ASPG: variants seen among roughly 807,000 people sequenced by gnomAD.
The protein encoded by ASPG is 60 kDa lysophospholipase.
Under a neutral mutation model 63.2 loss-of-function variants are expected in ASPG, and 53 were observed. That is an observed-to-expected ratio of 0.84 (90% CI 0.67 to 1.05). The LOEUF (loss-of-function observed/expected upper bound fraction) is 1.05. Among genes scored for constraint, ASPG ranks in the 50% least tolerant of loss-of-function variants. The pLI, the probability that ASPG is intolerant of heterozygous loss-of-function variation, is 0.00. For missense variants in ASPG, 741 were observed against 794.4 expected (o/e 0.93, Z 0.81); for synonymous variants, 370 against 355.0 (o/e 1.04, Z -0.48).
intron 4 of ASPG, 93 bp from the exon 5 acceptor site, chr14:104,097,461 G>A: frequency 1.6e-6 from 2 of 1,278,732 alleles, no homozygotes; most frequent in South Asian, 3.0e-5. Context: ...GGGGCTCCTG[G>A]GCTGGGCCTG....
chr14:104,105,513 G>GGGAT, intron 10 of ASPG, 63 bp downstream of exon 10: 1 of 1,479,568 alleles, frequency 6.8e-7, no homozygotes, highest in Non-Finnish European at 9.0e-7. Flanking sequence ...TGGTCACCCT[G>GGGAT]GGATGCACCA....
At position 104,098,898 on chromosome 14, in the gene ASPG, A is replaced by G. The variant is rs201936846; in HGVS notation, c.559A>G (p.Thr187Ala). 342 of 1,612,498 alleles carry G rather than the reference A, an allele frequency of 2.1e-4. 2 individuals carry two copies. The highest frequency in any genetic ancestry group is 1.9e-5 in the Non-Finnish European group (22 of 1,179,700). The change falls in exon 6 of 16, where the codon ACC becomes GCC. Residue 187 changes from threonine (T) to alanine (A), a missense_variant. Thr to Ala is a moderately conservative substitution (Grantham distance 58, BLOSUM62 0). Transcript: ENST00000551177. Reference sequence around the variant, plus strand: ...TCAGCTGTTTCGGGGCAACCGGGCAACCAAGGTAGACGCTCGGAGGTTCGC... The same window carrying G: ...TCAGCTGTTTCGGGGCAACCGGGCAGCCAAGGTAGACGCTCGGAGGTTCGC... ...QNQLFRGNRA[T>A]KVDARRFAAF...
chr14:104,110,145 C>A lies in ASPG; in HGVS notation c.1520+830C>A, dbSNP rs2037326032. The A allele has an allele frequency of 1.0e-6, 1 of 985,104 alleles. No individual in the cohort carries two copies. The highest frequency in any genetic ancestry group is 1.2e-6 in the Non-Finnish European group (1 of 829,880). 61.0% of individuals were successfully genotyped at this position (985,104 alleles called of 1,614,324 possible). ...AAAAAGGAGAGTCGGAGGCAGGAGACCTGGGCCGGGTGCAGGTGGTGGCTG... is the reference window on the plus strand; with the variant it reads ...AAAAAGGAGAGTCGGAGGCAGGAGAACTGGGCCGGGTGCAGGTGGTGGCTG... On this transcript the variant is annotated intron_variant, in intron 13 of 15. Transcript: ENST00000551177. The surrounding 1 kb of genome is among the most constrained non-coding windows in gnomAD (Gnocchi z 4.7).
rs754105558 is a variant in ASPG, at chr14:104,104,673, G to A, written c.988G>A (p.Ala330Thr). Residue 330 changes from alanine to threonine, a missense_variant, in exon 9 of 16, where the codon GCC becomes ACC. Coordinates refer to ENST00000551177, the MANE Select transcript of ASPG (RefSeq NM_001080464.3). ...ISGFDMTSEA[A>T]LAKLSYVLGQ... ...AGGCTTCGACATGACATCGGAGGCC[G>A]CCCTGGCCAAGCTATCGTATGTGCT... 8.7e-6 allele frequency: 14 copies of A among 1,610,630 alleles called. No individual in the cohort carries two copies. The highest frequency in any genetic ancestry group is 3.3e-5 in the Admixed American group (2 of 59,894).
intron 1 of ASPG, among the ~76,000 whole-genome samples, chr14:104,087,194 T>C (rs1159959009): frequency 6.6e-6 from 1 of 152,178 alleles, no homozygotes; most frequent in African/African-American, 2.4e-5. Context: ...AGAACGTGGC[T>C]GTCCAGGCTG....
At position 104,093,487 on chromosome 14, in the gene ASPG, G is replaced by A. The variant is rs564677939; in HGVS notation, c.192-4G>A. 10 of 1,611,222 alleles carry A rather than the reference G, an allele frequency of 6.2e-6. No individual in the cohort carries two copies. In the East Asian group the frequency reaches 1.1e-4, roughly 18 times the overall value. ...TTCCGCCTCCTGCTGTTTCTGTCCC[G>A]CAGCCCGGCCAGCCGCAACCAGAGG... On this transcript the variant is annotated splice_polypyrimidine_tract_variant and splice_region_variant and intron_variant, in intron 2 of 15. Transcript: ENST00000551177.
At chr14:104,092,824 C>A (rs2036411133) in intron 2 of ASPG, 83 bp downstream of exon 2, 2 of 1,183,338 alleles carry the variant, frequency 1.7e-6, no homozygotes, top group Non-Finnish European at 1.2e-6. Flanking sequence ...GCTGGCCAGG[C>A]CCACGTGAGC....
At position 104,110,111 on chromosome 14, in the gene ASPG, G is replaced by C; in HGVS notation, c.1520+796G>C. On this transcript the variant is annotated intron_variant, in intron 13 of 15. Coordinates refer to ENST00000551177, the MANE Select transcript of ASPG (RefSeq NM_001080464.3). The surrounding 1 kb of genome is among the most constrained non-coding windows in gnomAD (Gnocchi z 4.7). ...GGCTGCCCGAGGCCAGGACGACTCC[G>C]AGGGACCCAAAAAGGAGAGTCGGAG... 2 of 985,052 alleles carry C rather than the reference G, an allele frequency of 2.0e-6. No homozygotes were observed. Among genetic ancestry groups the C allele is most frequent in the Non-Finnish European group, 2.4e-6 (2 of 829,830 alleles). The allele number at this position is 985,052 out of a possible 1,614,324, so 61.0% of individuals were successfully genotyped here.
intron 6 of ASPG, among the ~76,000 whole-genome samples, chr14:104,101,450 A>G (rs539804485): frequency 7.8e-4 from 119 of 151,920 alleles, no homozygotes; most frequent in Admixed American, 1.1e-3. Context: ...GCTCCTGTCC[A>G]CAGTCGGCTC....
At chr14:104,107,068 G>T in intron 11 of ASPG, 114 bp from the exon 12 acceptor site, 1 of 1,394,444 alleles carries the variant, frequency 7.2e-7, no homozygotes, top group Non-Finnish European at 9.6e-7. Flanking sequence ...GGCTTTGAGG[G>T]TGGGCGCAGG....
rs555043918 is a variant in ASPG, at chr14:104,091,368, C to T, written c.83-1265C>T. ...TGCTCTGGGCGCCTCGGAGGGCAGA[C>T]GGGCAGACAAACATGTGCGGGCTCC... is the stretch of plus-strand genomic sequence containing the variant. On this transcript the variant is annotated intron_variant, in intron 1 of 15. Coordinates refer to ENST00000551177, the MANE Select transcript of ASPG (RefSeq NM_001080464.3). The surrounding 1 kb of genome is among the most constrained non-coding windows in gnomAD (Gnocchi z 6.4). 1.1e-4 allele frequency among the ~76,000 whole-genome samples: 16 copies of T among 152,230 alleles called. No individual in the cohort carries two copies. The South Asian group carries it at 1.5e-3, about 14-fold the overall frequency.
chr14:104,094,459 C>T (rs1370223362), intron 3 of ASPG, among the ~76,000 whole-genome samples: 1 of 151,926 alleles, frequency 6.6e-6, no homozygotes, highest in Admixed American at 6.6e-5. Context: ...CACCCCCCGC[C>T]CCATCAGCTT....
At chr14:104,096,360 G>A (rs977171777) in intron 4 of ASPG, among the ~76,000 whole-genome samples, 1 of 152,168 alleles carries the variant, frequency 6.6e-6, no homozygotes, top group Non-Finnish European at 1.5e-5. Flanking sequence ...GAGCTTGGTG[G>A]CAGTTCCAGA....
In ASPG at chr14:104,095,630, A is replaced by C. The variant is rs774847641; in HGVS notation, c.403A>C (p.Lys135Gln). Residue 135 changes from lysine (K) to glutamine (Q), a missense_variant, in exon 4 of 16, where the codon AAG becomes CAG. Physicochemically the swap from Lys to Gln is moderately conservative, Grantham distance 53. Coordinates refer to ENST00000551177, the MANE Select transcript of ASPG (RefSeq NM_001080464.3). ...MLSFMLENLQKTVILTGAQVP... is the reference protein window; with the variant it reads ...MLSFMLENLQQTVILTGAQVP... ...GTCCTTCATGCTGGAGAACCTGCAGAAGACTGTCATCCTCACTGGGGCCCA... is the reference window on the plus strand; with the variant it reads ...GTCCTTCATGCTGGAGAACCTGCAGCAGACTGTCATCCTCACTGGGGCCCA... 2.4e-5 allele frequency: 38 copies of C among 1,612,816 alleles called. No individual in the cohort carries two copies. Among genetic ancestry groups the C allele is most frequent in the Non-Finnish European group, 2.9e-5 (34 of 1,179,802 alleles).
intron 5 of ASPG, among the ~76,000 whole-genome samples, chr14:104,098,088 G>A (rs374209819): frequency 0.036 from 1,993 of 55,796 alleles, 605 homozygotes; most frequent in East Asian, 0.065. Context: ...TTAGAGATGC[G>A]TATGGAGGTT....
rs1402931892 is a variant in ASPG, at chr14:104,109,057, G to A, written c.1434-172G>A. 1 of 985,294 alleles carries A rather than the reference G, an allele frequency of 1.0e-6. No homozygotes were observed. The highest frequency in any genetic ancestry group is 1.2e-6 in the Non-Finnish European group (1 of 829,932). The allele number at this position is 985,294 out of a possible 1,614,324, so 61.0% of individuals were successfully genotyped here. On this transcript the variant is annotated intron_variant, in intron 12 of 15. Coordinates refer to ENST00000551177, the MANE Select transcript of ASPG (RefSeq NM_001080464.3). The surrounding 1 kb of genome is among the most constrained non-coding windows in gnomAD (Gnocchi z 4.8). ...GGGATCCCGGGATGATGTCACATGG[G>A]CCTAGGCAGAGGATGGGGGGATGGG...
chr14:104,086,983 C>T lies in ASPG; in HGVS notation c.82+1131C>T, dbSNP rs373429565. 3.5e-3 allele frequency among the ~76,000 whole-genome samples: 521 copies of T among 150,840 alleles called. 3 individuals are homozygous for T. Among genetic ancestry groups the T allele is most frequent in the African/African-American group, 0.012 (493 of 41,104 alleles). On this transcript the variant is annotated intron_variant, in intron 1 of 15. Coordinates refer to ENST00000551177, the MANE Select transcript of ASPG (RefSeq NM_001080464.3). Reference sequence around the variant, plus strand: ...CCCCTCCTATCCCCACCCCCTCTCACGGCCTGTTCCCTGGCAGCTGCCCCT... The same window carrying T: ...CCCCTCCTATCCCCACCCCCTCTCATGGCCTGTTCCCTGGCAGCTGCCCCT...
At chr14:104,093,818 A>G (rs961949632) in intron 3 of ASPG, among the ~76,000 whole-genome samples, 80 of 5,372 alleles carry the variant, frequency 0.015, no homozygotes, top group Middle Eastern at 0.071. Flanking sequence ...AGAGTGGGTG[A>G]GGCTGTGGAG....
rs2037317478 is a variant in ASPG at position 104,109,957 on chromosome 14, G to A, written c.1520+642G>A. 1 of 985,350 alleles carries A rather than the reference G, an allele frequency of 1.0e-6. No homozygotes were observed. 61.0% of individuals were successfully genotyped at this position (985,350 alleles called of 1,614,324 possible). ...GAGGCGCAGGGAGGCCTTCGGCGAGGGTGTCGGTTGTGGGTGGAGGTGGGC... is the reference window on the plus strand; with the variant it reads ...GAGGCGCAGGGAGGCCTTCGGCGAGAGTGTCGGTTGTGGGTGGAGGTGGGC... On this transcript the variant is annotated intron_variant, in intron 13 of 15. Transcript: ENST00000551177. This position sits in a 1 kb window ranked among gnomAD's most constrained non-coding sequence, Gnocchi z 4.8.
Sources: gnomAD v4.1 joint callset for allele counts (sites outside exome capture counted in the v4.1 genomes callset) on GRCh38, gnomAD v4.1.1 for gene constraint, Gnocchi (gnomAD v3.1) non-coding constraint, MANE v1.5 for transcripts, NCBI Gene and HGNC (gene_info 2026-07-23, HGNC 2026-07-21) for gene names.